KDM2A: variants seen among roughly 807,000 people sequenced by gnomAD.
The protein encoded by KDM2A is lysine demethylase 2A.
Under a neutral mutation model 137.3 loss-of-function variants are expected in KDM2A, and 3 were observed. The observed-to-expected ratio is 0.02, with a 90% confidence interval of 0.01 to 0.06. The LOEUF (loss-of-function observed/expected upper bound fraction) is 0.06. Ranked by LOEUF, KDM2A falls within the 10% of genes least tolerant of loss-of-function variation. KDM2A has a pLI of 1.00. For synonymous variants in KDM2A, 512 were observed against 541.5 expected (o/e 0.95, Z 0.76); for missense variants, 738 against 1,510.6 (o/e 0.49, Z 8.48).
chr11:67,254,477 A>G lies in KDM2A; in HGVS notation c.3307+59A>G, dbSNP rs767566409. The G allele has an allele frequency of 1.1e-5, 16 of 1,434,000 alleles. No individual in the cohort carries two copies. The highest frequency in any genetic ancestry group is 1.6e-5 in the Non-Finnish European group (16 of 1,020,868). The allele number at this position is 1,434,000 out of a possible 1,614,324, so 88.8% of individuals were successfully genotyped here. A position where few individuals can be genotyped will look rare whatever the true frequency, so the allele number is the denominator to read the frequency against. Reference sequence around the variant, plus strand: ...CCCCCTGCCTCCAGCCCTCCCTGGAACTTGATCAGTAAACCAGAATGACCT... The same window carrying G: ...CCCCCTGCCTCCAGCCCTCCCTGGAGCTTGATCAGTAAACCAGAATGACCT... On this transcript the variant is annotated intron_variant, in intron 20 of 20. Coordinates refer to ENST00000529006, the MANE Select transcript of KDM2A (RefSeq NM_012308.3). The surrounding 1 kb of genome is among the most constrained non-coding windows in gnomAD (Gnocchi z 4.7).
rs71056184 is a variant in KDM2A, at chr11:67,201,772, C to CAAAAAAAAAAAAAA, written c.308-5718_308-5705dup. Among the ~76,000 whole-genome samples the CAAAAAAAAAAAAAA allele has an allele frequency of 6.9e-4, 26 of 37,820 alleles. 2 individuals are homozygous for CAAAAAAAAAAAAAA. Among genetic ancestry groups the CAAAAAAAAAAAAAA allele is most frequent in the African/African-American group, 2.4e-3 (20 of 8,498 alleles). 24.8% of individuals were successfully genotyped at this position (37,820 alleles called of 152,430 possible). On this transcript the variant is annotated intron_variant, in intron 5 of 20. Transcript: ENST00000529006. Reference sequence around the variant, plus strand: ...TAGGCAACAGAGCTAGACTCCATCTCAAAAAAAAAAAAAAAAAAAAAAAAA... The same window carrying CAAAAAAAAAAAAAA: ...TAGGCAACAGAGCTAGACTCCATCTCAAAAAAAAAAAAAAAAAAAAAAAAAAAAAAAAAAAAAAA...
intron 11 of KDM2A, among the ~76,000 whole-genome samples, chr11:67,229,890 A>T (rs1858658853): frequency 6.8e-6 from 1 of 147,670 alleles, no homozygotes; most frequent in Admixed American, 6.8e-5. Context: ...AAAAAAATAC[A>T]TCTAGGCCGG....
At chr11:67,228,838 G>A (rs1256652909) in intron 11 of KDM2A, among the ~76,000 whole-genome samples, 1 of 152,054 alleles carries the variant, frequency 6.6e-6, no homozygotes, top group Admixed American at 6.5e-5. Context: ...CTGGGCTCAA[G>A]CAATCCCCCT....
chr11:67,199,824 C>T (rs1857573832), intron 5 of KDM2A, among the ~76,000 whole-genome samples: 1 of 152,198 alleles, frequency 6.6e-6, no homozygotes, highest in South Asian at 2.1e-4. Flanking sequence ...GTAAATGAAA[C>T]AGCCTTCTAT....
At chr11:67,226,952 A>G (rs549443762) in intron 10 of KDM2A, among the ~76,000 whole-genome samples, 3 of 152,280 alleles carry the variant, frequency 2.0e-5, no homozygotes, top group African/African-American at 7.2e-5. Flanking sequence ...AAGTTAAAAA[A>G]AAATGGTTTC....
At chr11:67,228,686 G>GAAAAA (rs139339570) in intron 11 of KDM2A, among the ~76,000 whole-genome samples, 1 of 105,010 alleles carries the variant, frequency 9.5e-6, no homozygotes, top group Admixed American at 9.6e-5. Context: ...ACCCTGTTGC[G>GAAAAA]AAAAAAAAAA....
chr11:67,153,635 A>G (rs1299375500), intron 2 of KDM2A, among the ~76,000 whole-genome samples: 1 of 152,188 alleles, frequency 6.6e-6, no homozygotes, highest in African/African-American at 2.4e-5. Flanking sequence ...CCTGGGCAAC[A>G]TAGTAAGACC....
rs768082552 is a variant in KDM2A, at chr11:67,250,900, G to A, written c.2768+102G>A. ...ACCTTGGCATCTGAAAGCCTGTGGG[G>A]TCTTATGAGGAGTGAATTGACCCTT... On this transcript the variant is annotated intron_variant, in intron 17 of 20. Coordinates refer to ENST00000529006, the MANE Select transcript of KDM2A (RefSeq NM_012308.3). This position sits in a 1 kb window ranked among gnomAD's most constrained non-coding sequence, Gnocchi z 7.1. The A allele has an allele frequency of 1.5e-4, 132 of 879,866 alleles. 1 individual carries two copies. The Middle Eastern group carries it at 2.0e-3, about 13-fold the overall frequency. 54.5% of individuals were successfully genotyped at this position (879,866 alleles called of 1,614,324 possible). A position where few individuals can be genotyped will look rare whatever the true frequency, so the allele number is the denominator to read the frequency against.
At chr11:67,234,970 C>G (rs1305567308) in intron 12 of KDM2A, among the ~76,000 whole-genome samples, 1 of 151,654 alleles carries the variant, frequency 6.6e-6, no homozygotes, top group East Asian at 1.9e-4. Context: ...CATGGTGAAA[C>G]CCCGTCTCTA....
chr11:67,235,302 ATTTTT>A (rs139776975), intron 12 of KDM2A, among the ~76,000 whole-genome samples: 1 of 134,530 alleles, frequency 7.4e-6, no homozygotes. Context: ...TACTATGAGA[ATTTTT>A]TTTTTTTTTT....
intron 2 of KDM2A, among the ~76,000 whole-genome samples, chr11:67,127,796 C>T (rs1037203285): frequency 1.3e-5 from 2 of 152,108 alleles, no homozygotes; most frequent in African/African-American, 4.8e-5. Flanking sequence ...CAACCTCCCT[C>T]TCCTGGGTTC....
In KDM2A at chr11:67,255,520, C is replaced by T; in HGVS notation, c.*465C>T. On this transcript the variant is annotated 3_prime_UTR_variant, in exon 21 of 21. Coordinates refer to ENST00000529006, the MANE Select transcript of KDM2A (RefSeq NM_012308.3). ...CAGTGCGCGTCTCTCCTCCATCACA[C>T]TCTCCCGGCTTGCGCAGGAGGGGCC... 2.2e-6 allele frequency: 1 copy of T among 457,156 alleles called. No individual in the cohort carries two copies. The highest frequency in any genetic ancestry group is 4.4e-6 in the Non-Finnish European group (1 of 227,252). 28.3% of individuals were successfully genotyped at this position (457,156 alleles called of 1,614,324 possible). A position where few individuals can be genotyped will look rare whatever the true frequency, so the allele number is the denominator to read the frequency against.
intron 5 of KDM2A, among the ~76,000 whole-genome samples, chr11:67,185,983 T>C (rs1265799737): frequency 6.6e-6 from 1 of 151,912 alleles, no homozygotes; most frequent in African/African-American, 2.4e-5. Flanking sequence ...CAAAATGGAC[T>C]AAGAGCCTAA....
chr11:67,159,447 A>G lies in KDM2A; in HGVS notation c.43-20632A>G, dbSNP rs149702401. On this transcript the variant is annotated intron_variant, in intron 2 of 20. Transcript: ENST00000529006. ...TATTTGTAAACTGGAAGTTGGATCT[A>G]GAAGATTAGATTCATCTTAAACATT... Among the ~76,000 whole-genome samples, 109 of 152,340 alleles carry G rather than the reference A, an allele frequency of 7.2e-4. No homozygotes were observed. In the Middle Eastern group the frequency reaches 0.014, roughly 19 times the overall value.
At chr11:67,194,439 GTTCTT>G (rs1857432436) in intron 5 of KDM2A, among the ~76,000 whole-genome samples, 1 of 152,160 alleles carries the variant, frequency 6.6e-6, no homozygotes, top group South Asian at 2.1e-4. Flanking sequence ...CTAACAACGT[GTTCTT>G]TTCTTAAGTT....
chr11:67,199,506 A>T (rs1481530002), intron 5 of KDM2A, among the ~76,000 whole-genome samples: 2 of 152,224 alleles, frequency 1.3e-5, no homozygotes, highest in African/African-American at 2.4e-5. Flanking sequence ...ATCACTGATA[A>T]CGGAGAAAGT....
chr11:67,226,764 G>C (rs1858558958), intron 10 of KDM2A, among the ~76,000 whole-genome samples: 1 of 152,082 alleles, frequency 6.6e-6, no homozygotes, highest in Non-Finnish European at 1.5e-5. Flanking sequence ...CAGCATCAAA[G>C]AGCATGTTTA....
At chr11:67,135,012 A>T (rs1323132885) in intron 2 of KDM2A, among the ~76,000 whole-genome samples, 4 of 152,174 alleles carry the variant, frequency 2.6e-5, no homozygotes, top group Non-Finnish European at 5.9e-5. Flanking sequence ...TATTTCGGTA[A>T]CATAAGCATT....
At position 67,255,086 on chromosome 11, in the gene KDM2A, C is replaced by T. The variant is rs778310942; in HGVS notation, c.*31C>T. The T allele has an allele frequency of 3.2e-6, 5 of 1,583,338 alleles. No homozygotes were observed. Among genetic ancestry groups the T allele is most frequent in the African/African-American group, 1.3e-5 (1 of 74,168 alleles). On this transcript the variant is annotated 3_prime_UTR_variant, in exon 21 of 21. Coordinates refer to ENST00000529006, the MANE Select transcript of KDM2A (RefSeq NM_012308.3). Reference sequence around the variant, plus strand: ...ACCCAGCCCAGATTCAACAGGAAACCGATCTTCCCCTGACTCCCCACCGAG... The same window carrying T: ...ACCCAGCCCAGATTCAACAGGAAACTGATCTTCCCCTGACTCCCCACCGAG...
Sources: allele counts gnomAD v4.1 joint callset (sites outside exome capture counted in the v4.1 genomes callset), GRCh38; gene constraint gnomAD v4.1.1; non-coding constraint Gnocchi (gnomAD v3.1); transcripts MANE v1.5; gene names NCBI Gene and HGNC (gene_info 2026-07-23, HGNC 2026-07-21).